CACNA2D3: variants seen among roughly 807,000 people sequenced by gnomAD.
CACNA2D3 encodes the protein calcium voltage-gated channel auxiliary subunit alpha2delta 3, also known as voltage-dependent calcium channel subunit alpha-2/delta-3.
In CACNA2D3, 60 loss-of-function variants were observed where a neutral mutation model predicts 160.6. The ratio of observed to expected loss-of-function variants is 0.37; its 90% CI spans 0.30 to 0.46. The LOEUF is 0.46. CACNA2D3 is among the 20% of genes least tolerant of loss of function. The probability of loss-of-function intolerance (pLI) is 1.00; values close to 1 mark genes in which losing one functional copy is unlikely to be tolerated. For missense variants in CACNA2D3, 1,205 were observed against 1,365.0 expected (o/e 0.88, Z 1.85); for synonymous variants, 558 against 492.9 (o/e 1.13, Z -1.75).
At chr3:54,490,793 G>T (rs1045436821) in intron 4 of CACNA2D3, among the ~76,000 whole-genome samples, 15 of 152,202 alleles carry the variant, frequency 9.9e-5, no homozygotes, top group Non-Finnish European at 8.8e-5. Context: ...GGGGAGAAGA[G>T]TTCAGAGGAA....
chr3:54,652,368 A>T (rs900498107), intron 11 of CACNA2D3, among the ~76,000 whole-genome samples: 5 of 152,216 alleles, frequency 3.3e-5, no homozygotes, highest in Admixed American at 1.3e-4. Context: ...CTCCAATGAG[A>T]TCACATAGAG....
intron 5 of CACNA2D3, among the ~76,000 whole-genome samples, chr3:54,523,517 G>T (rs1701679181): frequency 6.6e-6 from 1 of 152,016 alleles, no homozygotes; most frequent in African/African-American, 2.4e-5. Flanking sequence ...TTGACGTTTT[G>T]GTATCAGAGT....
intron 26 of CACNA2D3, among the ~76,000 whole-genome samples, chr3:54,899,406 A>G (rs1247658295): frequency 7.9e-5 from 12 of 152,224 alleles, no homozygotes; most frequent in Admixed American, 7.9e-4. Flanking sequence ...GCCCTCATAC[A>G]GCTCTTCATG....
intron 11 of CACNA2D3, among the ~76,000 whole-genome samples, chr3:54,750,067 A>G (rs1049444284): frequency 7.2e-5 from 11 of 152,190 alleles, no homozygotes; most frequent in South Asian, 2.1e-4. Context: ...GTTTGGCACA[A>G]TTCTACTGGT....
intron 35 of CACNA2D3, among the ~76,000 whole-genome samples, chr3:55,024,216 T>C (rs1391040563): frequency 6.7e-6 from 1 of 149,986 alleles, no homozygotes; most frequent in Non-Finnish European, 1.5e-5. Context: ...CTCCATGAAG[T>C]TCTGCTTATT....
At chr3:55,029,317 C>G (rs1278891467) in intron 35 of CACNA2D3, among the ~76,000 whole-genome samples, 1 of 152,130 alleles carries the variant, frequency 6.6e-6, no homozygotes, top group Non-Finnish European at 1.5e-5. Flanking sequence ...TTGCTCATCT[C>G]CAAGAGGGCT....
intron 2 of CACNA2D3, among the ~76,000 whole-genome samples, chr3:54,173,481 T>C (rs1157318568): frequency 3.9e-5 from 6 of 152,218 alleles, no homozygotes; most frequent in African/African-American, 7.2e-5. Context: ...ACAAGGCTGC[T>C]TTTTTTCTGG....
intron 27 of CACNA2D3, among the ~76,000 whole-genome samples, chr3:54,910,400 A>G (rs1167224926): frequency 6.6e-6 from 1 of 151,988 alleles, no homozygotes; most frequent in African/African-American, 2.4e-5. Flanking sequence ...TCTGGAACCC[A>G]CTCCACAATG....
At chr3:54,683,520 A>C (rs1413254093) in intron 11 of CACNA2D3, among the ~76,000 whole-genome samples, 1 of 152,210 alleles carries the variant, frequency 6.6e-6, no homozygotes, top group East Asian at 1.9e-4. Flanking sequence ...TTCTTTGACT[A>C]TAAAATGGAA....
At chr3:54,128,876 T>G (rs1303840883) in intron 2 of CACNA2D3, among the ~76,000 whole-genome samples, 1 of 152,240 alleles carries the variant, frequency 6.6e-6, no homozygotes, top group African/African-American at 2.4e-5. Context: ...TTTTTCCCCT[T>G]TAAATGTAAT....
intron 9 of CACNA2D3, among the ~76,000 whole-genome samples, chr3:54,604,520 A>G (rs545517): frequency 0.81 from 123,000 of 152,102 alleles, 49,946 homozygotes; most frequent in African/African-American, 0.86. Context: ...CTCAGCAAAC[A>G]GCAGTCCTCC....
intron 2 of CACNA2D3, among the ~76,000 whole-genome samples, chr3:54,268,448 C>T (rs1409871972): frequency 2.0e-5 from 3 of 152,152 alleles, no homozygotes; most frequent in Non-Finnish European, 4.4e-5. Flanking sequence ...TCACTCTTGT[C>T]GCCCAGGCTG....
intron 11 of CACNA2D3, among the ~76,000 whole-genome samples, chr3:54,747,289 G>T (rs1258047106): frequency 6.6e-6 from 1 of 152,128 alleles, no homozygotes; most frequent in Non-Finnish European, 1.5e-5. Flanking sequence ...GGCTCCTGGT[G>T]ATACTGATGC....
At chr3:54,335,665 A>G (rs1339122292) in intron 3 of CACNA2D3, among the ~76,000 whole-genome samples, 4 of 152,152 alleles carry the variant, frequency 2.6e-5, no homozygotes. Flanking sequence ...CTGTCTAGAA[A>G]TGCAGCCCAG....
chr3:54,958,592 A>G (rs1489728987), intron 27 of CACNA2D3, among the ~76,000 whole-genome samples: 1 of 152,122 alleles, frequency 6.6e-6, no homozygotes, highest in Non-Finnish European at 1.5e-5. Flanking sequence ...AGCAATAGTT[A>G]TTATCTTTCT....
At chr3:54,779,178 A>C (rs1271938947) in intron 13 of CACNA2D3, among the ~76,000 whole-genome samples, 2 of 151,846 alleles carry the variant, frequency 1.3e-5, no homozygotes, top group African/African-American at 4.8e-5. Context: ...GCTCACTGCA[A>C]CCTCCACCTC....
At chr3:55,070,065 C>G (rs1458315591) in intron 35 of CACNA2D3, among the ~76,000 whole-genome samples, 1 of 152,202 alleles carries the variant, frequency 6.6e-6, no homozygotes, top group South Asian at 2.1e-4. Context: ...CAAATACTTA[C>G]TGAGAAGTTG....
intron 11 of CACNA2D3, among the ~76,000 whole-genome samples, chr3:54,654,208 A>G (rs1264275044): frequency 1.3e-5 from 2 of 151,948 alleles, no homozygotes; most frequent in Non-Finnish European, 2.9e-5. Context: ...GCCAAAAGTG[A>G]TTCGTGGGCT....
At chr3:54,433,039 A>G (rs1302246725) in intron 4 of CACNA2D3, among the ~76,000 whole-genome samples, 3 of 152,224 alleles carry the variant, frequency 2.0e-5, no homozygotes, top group Non-Finnish European at 1.5e-5. Context: ...TCAGAATATT[A>G]TGGAGATGAT....
Sources: gnomAD v4.1 joint callset for allele counts (sites outside exome capture counted in the v4.1 genomes callset) on GRCh38, gnomAD v4.1.1 for gene constraint, MANE v1.5 for transcripts, NCBI Gene and HGNC (gene_info 2026-07-23, HGNC 2026-07-21) for gene names.